Variants in NFATC2 observed in about 807,000 individuals in gnomAD.
The protein encoded by NFATC2 is nuclear factor of activated T-cells, cytoplasmic 2.
In NFATC2, 22 loss-of-function variants were observed where a neutral mutation model predicts 87.3. The observed-to-expected ratio is 0.25, with a 90% CI of 0.18 to 0.36. The LOEUF (loss-of-function observed/expected upper bound fraction) is 0.36, where lower values mean the gene tolerates loss of function less well. Ranked by LOEUF, NFATC2 falls within the 10% of genes least tolerant of loss-of-function variation. The pLI, the probability that NFATC2 is intolerant of heterozygous loss-of-function variation, is 1.00. For synonymous variants in NFATC2, 565 were observed against 542.2 expected (o/e 1.04, Z -0.58); for missense variants, 1,149 against 1,259.1 (o/e 0.91, Z 1.32).
chr20:51,404,698 T>A (rs554183637), intron 9 of NFATC2, among the ~76,000 whole-genome samples: 12 of 152,334 alleles, frequency 7.9e-5, no homozygotes, highest in Admixed American at 3.3e-4. Context: ...TTTCTGCATT[T>A]TCAGAATGGG....
At chr20:51,413,510 CA>C (rs1979591877) in intron 9 of NFATC2, among the ~76,000 whole-genome samples, 1 of 152,160 alleles carries the variant, frequency 6.6e-6, no homozygotes, top group South Asian at 2.1e-4. Flanking sequence ...GTAATCCTAG[CA>C]CTTTGGGAGG....
chr20:51,561,990 A>G (rs1262725026), intron 1 of NFATC2, among the ~76,000 whole-genome samples: 1 of 152,124 alleles, frequency 6.6e-6, no homozygotes, highest in Non-Finnish European at 1.5e-5. Context: ...GGTACATTGC[A>G]CTTTAAAGGG....
chr20:51,500,455 G>A (rs956757149), intron 3 of NFATC2, among the ~76,000 whole-genome samples: 2 of 151,938 alleles, frequency 1.3e-5, no homozygotes, highest in African/African-American at 4.8e-5. Flanking sequence ...TTCTACTTGG[G>A]TGATACCTAT....
At chr20:51,515,703 A>G (rs551729948) in intron 3 of NFATC2, among the ~76,000 whole-genome samples, 2 of 151,810 alleles carry the variant, frequency 1.3e-5, no homozygotes, top group South Asian at 4.2e-4. Flanking sequence ...AAAAAAAGCA[A>G]TTGTCAGGAC....
chr20:51,477,263 G>C (rs898619181), intron 3 of NFATC2, among the ~76,000 whole-genome samples: 1 of 151,854 alleles, frequency 6.6e-6, no homozygotes, highest in African/African-American at 2.4e-5. Context: ...AAAGCAATGT[G>C]TAGAAAAATA....
At chr20:51,522,951 A>T (rs984795862) in intron 2 of NFATC2, 130 bp downstream of exon 2, 2 of 1,310,710 alleles carry the variant, frequency 1.5e-6, no homozygotes, top group Middle Eastern at 2.0e-4. Context: ...GCAACCAGCA[A>T]GGGGCCAAGC....
chr20:51,438,783 TGA>T (rs1390523544), intron 6 of NFATC2, among the ~76,000 whole-genome samples: 1 of 152,196 alleles, frequency 6.6e-6, no homozygotes, highest in Non-Finnish European at 1.5e-5. Flanking sequence ...CACAGGTTCT[TGA>T]GAGTACCCTT....
intron 5 of NFATC2, among the ~76,000 whole-genome samples, chr20:51,464,906 C>T (rs1286193508): frequency 2.0e-5 from 3 of 152,238 alleles, no homozygotes; most frequent in African/African-American, 7.2e-5. Flanking sequence ...TACAGTTTTT[C>T]CAGCCTCTTC....
intron 3 of NFATC2, among the ~76,000 whole-genome samples, chr20:51,501,249 A>C (rs917493486): frequency 6.6e-6 from 1 of 152,200 alleles, no homozygotes; most frequent in Non-Finnish European, 1.5e-5. Flanking sequence ...CTCATGATAC[A>C]CACAGCTGTT....
In NFATC2 at chr20:51,524,002, C is replaced by A; in HGVS notation, c.239G>T (p.Gly80Val). The A allele has an allele frequency of 6.4e-7, 1 of 1,566,446 alleles. No homozygotes were observed. Among genetic ancestry groups the A allele is most frequent in the Non-Finnish European group, 8.6e-7 (1 of 1,161,584 alleles). ...KPYSPLASLS[G>V]EPPGRFGEPD... Reference sequence around the variant, plus strand: ...CTCTCCGAATCGGCCGGGGGGCTCGCCAGAGAGACTAGCAAGGGGGCTGTA... The same window carrying A: ...CTCTCCGAATCGGCCGGGGGGCTCGACAGAGAGACTAGCAAGGGGGCTGTA... The change falls in exon 2 of 11, where the codon GGC (glycine) becomes GTC (valine). Residue 80 changes from glycine to valine, a missense_variant. Transcript: ENST00000371564. This position sits in a 1 kb window ranked among gnomAD's most constrained non-coding sequence, Gnocchi z 4.0.
intron 3 of NFATC2, among the ~76,000 whole-genome samples, chr20:51,498,214 A>G (rs2146613267): frequency 6.6e-6 from 1 of 152,214 alleles, no homozygotes; most frequent in South Asian, 2.1e-4. Context: ...GGAGCCGCCT[A>G]CGCCAGCACA....
chr20:51,499,580 C>T (rs747673671), intron 3 of NFATC2, among the ~76,000 whole-genome samples: 21 of 151,934 alleles, frequency 1.4e-4, no homozygotes, highest in Non-Finnish European at 2.2e-4. Context: ...TGATGAAACC[C>T]GTCTCTACCA....
chr20:51,561,416 GA>G (rs1298394063), intron 1 of NFATC2, among the ~76,000 whole-genome samples: 1 of 138,838 alleles, frequency 7.2e-6, no homozygotes, highest in Admixed American at 7.3e-5. Context: ...AAGAAAGAAA[GA>G]AAGAGAGAGA....
chr20:51,409,716 T>C (rs781088247), intron 9 of NFATC2, among the ~76,000 whole-genome samples: 6 of 152,216 alleles, frequency 3.9e-5, no homozygotes, highest in Non-Finnish European at 7.3e-5. Context: ...CAGAGCCACG[T>C]GTCAGACGAC....
chr20:51,509,317 C>T (rs1426091877), intron 3 of NFATC2, among the ~76,000 whole-genome samples: 1 of 152,156 alleles, frequency 6.6e-6, no homozygotes, highest in African/African-American at 2.4e-5. Context: ...TGCTATCTCC[C>T]CCTAGCCAGC....
At chr20:51,512,015 C>T (rs2076278958) in intron 3 of NFATC2, among the ~76,000 whole-genome samples, 1 of 152,210 alleles carries the variant, frequency 6.6e-6, no homozygotes, top group Admixed American at 6.5e-5. Context: ...CACACACAGT[C>T]CTTCCCTGCC....
chr20:51,507,072 A>T (rs1001015855), intron 3 of NFATC2, among the ~76,000 whole-genome samples: 2 of 152,310 alleles, frequency 1.3e-5, no homozygotes, highest in Admixed American at 1.3e-4. Flanking sequence ...GGCTCAGCCC[A>T]TGTGCTCATT....
At chr20:51,428,285 G>T (rs1399225060) in intron 9 of NFATC2, among the ~76,000 whole-genome samples, 1 of 152,176 alleles carries the variant, frequency 6.6e-6, no homozygotes, top group African/African-American at 2.4e-5. Flanking sequence ...CAGAGAGAAC[G>T]CAAGTGACGG....
chr20:51,541,030 T>C (rs543835311), intron 1 of NFATC2, among the ~76,000 whole-genome samples: 1 of 152,180 alleles, frequency 6.6e-6, no homozygotes, highest in African/African-American at 2.4e-5. Flanking sequence ...ATTGTTTCCA[T>C]CTCCAGCCAA....
Sources: gnomAD v4.1 joint callset for allele counts (sites outside exome capture counted in the v4.1 genomes callset) on GRCh38, gnomAD v4.1.1 for gene constraint, Gnocchi (gnomAD v3.1) non-coding constraint, MANE v1.5 for transcripts, NCBI Gene and HGNC (gene_info 2026-07-23, HGNC 2026-07-21) for gene names.